Variants in GPHN observed in about 807,000 individuals in gnomAD.
GPHN encodes the protein gephyrin.
GPHN carries 17 observed loss-of-function variants against 95.5 expected under a neutral mutation model. The observed-to-expected ratio is 0.18, with a 90% CI of 0.12 to 0.27. The LOEUF is 0.27. GPHN is among the 10% of genes least tolerant of loss of function. The pLI is 1.00. For missense variants in GPHN, 660 were observed against 978.1 expected (o/e 0.67, Z 4.34); for synonymous variants, 320 against 322.5 (o/e 0.99, Z 0.08).
Position 66,584,924 on chromosome 14 carries a change from C to T in GPHN, c.64+76333C>T, listed in dbSNP as rs543739158. 3.3e-5 allele frequency among the ~76,000 whole-genome samples: 5 copies of T among 152,132 alleles called. No homozygotes were observed. The East Asian group carries it at 9.7e-4, about 29-fold the overall frequency. On this transcript the variant is annotated intron_variant, in intron 1 of 22. Transcript: ENST00000478722. ...TCTTAAAATGAGGTAGGGAGGATTCCCTCTTTTTCTATTGATTGGAATAGT... is the reference window on the plus strand; with the variant it reads ...TCTTAAAATGAGGTAGGGAGGATTCTCTCTTTTTCTATTGATTGGAATAGT...
At chr14:67,126,675 G>C (rs1428392935) in intron 17 of GPHN, among the ~76,000 whole-genome samples, 1 of 152,112 alleles carries the variant, frequency 6.6e-6, no homozygotes. Context: ...AACCATTGTG[G>C]AAGTCAGTGT....
chr14:67,421,723 C>T, the GPHN span, among the ~76,000 whole-genome samples: 15 of 152,258 alleles, frequency 9.9e-5, no homozygotes, highest in East Asian at 5.8e-4. Context: ...CATGGAATTA[C>T]GTGGAAACTG....
At chr14:67,469,127 A>T in the GPHN span, among the ~76,000 whole-genome samples, 6 of 152,296 alleles carry the variant, frequency 3.9e-5, 1 homozygote, top group South Asian at 1.0e-3. Flanking sequence ...TTCATAAGGG[A>T]AAAAGCTTTC....
intron 2 of GPHN, among the ~76,000 whole-genome samples, chr14:66,746,292 T>G (rs999747599): frequency 2.6e-5 from 4 of 152,234 alleles, no homozygotes; most frequent in African/African-American, 9.6e-5. Flanking sequence ...AGTATTAGGC[T>G]CAATCAATTG....
At chr14:66,550,074 G>T (rs1362531756) in intron 1 of GPHN, among the ~76,000 whole-genome samples, 1 of 152,166 alleles carries the variant, frequency 6.6e-6, no homozygotes, top group Non-Finnish European at 1.5e-5. Flanking sequence ...CATCCATTTT[G>T]CAGCCCATGG....
chr14:67,696,799 G>T, the GPHN span, among the ~76,000 whole-genome samples: 4 of 152,284 alleles, frequency 2.6e-5, no homozygotes, highest in South Asian at 8.3e-4. Context: ...ATCTGTCTGT[G>T]ATTCCTTAAT....
At chr14:67,418,860 T>C in the GPHN span, among the ~76,000 whole-genome samples, 11 of 152,214 alleles carry the variant, frequency 7.2e-5, no homozygotes, top group African/African-American at 1.7e-4. Flanking sequence ...CCTACCTCCC[T>C]GTTCCACTGA....
At chr14:67,690,166 G>C in the GPHN span, 4 of 1,547,628 alleles carry the variant, frequency 2.6e-6, no homozygotes, top group Non-Finnish European at 3.6e-6. Flanking sequence ...GCTTTTACCT[G>C]CCTCTCTCTG....
intron 2 of GPHN, among the ~76,000 whole-genome samples, chr14:66,752,271 A>C (rs2058394951): frequency 1.3e-5 from 2 of 152,008 alleles, no homozygotes; most frequent in Non-Finnish European, 2.9e-5. Flanking sequence ...TAGCACTTTT[A>C]ATTTTTTTCA....
the GPHN span, among the ~76,000 whole-genome samples, chr14:67,542,641 C>T: frequency 6.6e-6 from 1 of 152,104 alleles, no homozygotes; most frequent in South Asian, 2.1e-4. Context: ...GGAAACTGAC[C>T]ACCTTTCCTA....
chr14:67,321,604 T>G, the GPHN span, among the ~76,000 whole-genome samples: 1 of 152,216 alleles, frequency 6.6e-6, no homozygotes, highest in Non-Finnish European at 1.5e-5. Flanking sequence ...AATTCATTTA[T>G]CTTTTATATA....
intron 1 of GPHN, among the ~76,000 whole-genome samples, chr14:66,600,288 G>T (rs1566680943): frequency 6.6e-6 from 1 of 151,998 alleles, no homozygotes. Flanking sequence ...TTTAACAGAT[G>T]ATCAAGTACC....
the GPHN span, among the ~76,000 whole-genome samples, chr14:67,438,429 A>G: frequency 2.0e-5 from 3 of 152,138 alleles, no homozygotes; most frequent in Non-Finnish European, 2.9e-5. Context: ...TAGAGGTAGG[A>G]GCTTTGGAGT....
the GPHN span, among the ~76,000 whole-genome samples, chr14:67,244,374 ATGAG>A: frequency 6.6e-6 from 1 of 152,236 alleles, no homozygotes; most frequent in African/African-American, 2.4e-5. Context: ...TGCAAACAGT[ATGAG>A]TGACAGTGGC....
At chr14:66,706,163 G>A (rs2069061783) in intron 2 of GPHN, among the ~76,000 whole-genome samples, 1 of 152,122 alleles carries the variant, frequency 6.6e-6, no homozygotes, top group Non-Finnish European at 1.5e-5. Flanking sequence ...AATAAGAGAG[G>A]ACACAAAGAA....
chr14:67,592,578 T>C, the GPHN span: 2 of 1,026,684 alleles, frequency 1.9e-6, no homozygotes, highest in South Asian at 2.6e-5. Flanking sequence ...GGAATTTACA[T>C]TCCTAATGAA....
At chr14:66,754,761 C>G (rs1242935262) in intron 2 of GPHN, among the ~76,000 whole-genome samples, 4 of 151,916 alleles carry the variant, frequency 2.6e-5, no homozygotes, top group Non-Finnish European at 5.9e-5. Context: ...AGCCTTTTGA[C>G]TTTTATAGAC....
the GPHN span, among the ~76,000 whole-genome samples, chr14:67,569,528 G>A: frequency 6.8e-6 from 1 of 147,072 alleles, no homozygotes; most frequent in East Asian, 1.9e-4. Flanking sequence ...TGGGTGGGAG[G>A]AGCCACAAGT....
chr14:66,847,265 A>G (rs560635388), intron 4 of GPHN, among the ~76,000 whole-genome samples: 2 of 152,308 alleles, frequency 1.3e-5, no homozygotes, highest in East Asian at 3.9e-4. Context: ...CTTAGCAATA[A>G]TGAACAATTT....
Sources: allele counts gnomAD v4.1 joint callset (sites outside exome capture counted in the v4.1 genomes callset), GRCh38; gene constraint gnomAD v4.1.1; transcripts MANE v1.5; gene names NCBI Gene and HGNC (gene_info 2026-07-23, HGNC 2026-07-21).